The following BCAR3 variants were observed in gnomAD, a reference collection of about 807,000 sequenced individuals.
BCAR3 encodes the protein BCAR3 adaptor protein, NSP family member.
A neutral mutation model predicts 80.1 loss-of-function variants in BCAR3; 37 were observed. The ratio of observed to expected loss-of-function variants is 0.46; its 90% confidence interval spans 0.36 to 0.61. BCAR3 has a LOEUF of 0.61. Ranked by LOEUF, BCAR3 falls within the 20% of genes least tolerant of loss-of-function variation. BCAR3 has a pLI of 0.00. For synonymous variants in BCAR3, 389 were observed against 418.9 expected (o/e 0.93, Z 0.87); for missense variants, 978 against 1,068.2 (o/e 0.92, Z 1.18).
At chr1:93,739,493 G>A (rs943593512) in intron 2 of BCAR3, among the ~76,000 whole-genome samples, 9 of 152,140 alleles carry the variant, frequency 5.9e-5, no homozygotes, top group African/African-American at 2.2e-4. Flanking sequence ...GACCAAAAAT[G>A]TATAGTGTCA....
intron 2 of BCAR3, among the ~76,000 whole-genome samples, chr1:93,770,274 C>T (rs1373868064): frequency 2.6e-5 from 4 of 152,044 alleles, no homozygotes; most frequent in Admixed American, 2.6e-4. Context: ...TAAGGACTAC[C>T]AGAAAGGAGG....
upstream of BCAR3, chr1:93,847,924 A>T: frequency 8.1e-6 from 2 of 246,288 alleles, no homozygotes; most frequent in Non-Finnish European, 1.6e-5. Flanking sequence ...GGCGGCGGCG[A>T]AGGAAAAGCG....
chr1:93,666,851 A>C (rs1361044501), intron 2 of BCAR3, among the ~76,000 whole-genome samples: 2 of 152,004 alleles, frequency 1.3e-5, no homozygotes, highest in Non-Finnish European at 2.9e-5. Context: ...TTCCAGCCAG[A>C]CTCCATCAAC....
intron 2 of BCAR3, 36 bp from the exon 3 acceptor site, chr1:93,642,379 G>A: frequency 6.4e-7 from 1 of 1,571,248 alleles, no homozygotes; most frequent in Non-Finnish European, 8.8e-7. Context: ...GAATGGTTGG[G>A]AACGATGCAT....
intron 2 of BCAR3, among the ~76,000 whole-genome samples, 172 bp downstream of exon 2, chr1:93,674,442 G>A (rs1648365118): frequency 6.6e-6 from 1 of 152,140 alleles, no homozygotes; most frequent in South Asian, 2.1e-4. Flanking sequence ...TTTTAGTATA[G>A]ACAGGGTTTC....
At chr1:93,607,962 C>T (rs779191344) in intron 3 of BCAR3, among the ~76,000 whole-genome samples, 69 of 152,316 alleles carry the variant, frequency 4.5e-4, no homozygotes, top group Non-Finnish European at 8.2e-4. Flanking sequence ...GCCCTCAGTG[C>T]ACATGCTAGG....
upstream of BCAR3, among the ~76,000 whole-genome samples, chr1:93,683,063 G>T (rs912715707): frequency 6.6e-6 from 1 of 152,134 alleles, no homozygotes; most frequent in Non-Finnish European, 1.5e-5. Context: ...AAACCGCAGA[G>T]TGAGAAAACA....
In BCAR3 at chr1:93,737,198, T is replaced by C. The variant is rs556042267; in HGVS notation, c.-62-31056A>G. Among the ~76,000 whole-genome samples the C allele has an allele frequency of 5.3e-5, 8 of 152,310 alleles. No individual in the cohort carries two copies. The South Asian group carries it at 1.7e-3, about 32-fold the overall frequency. On this transcript the variant is annotated intron_variant, in intron 2 of 13. Coordinates refer to the BCAR3 transcript ENST00000370244. Reference sequence around the variant, plus strand: ...AAGCCTCAAAGCAGAACAGTGGTGATGGTGAAAGTCTGGAGTAGAGAGATA... The same window carrying C: ...AAGCCTCAAAGCAGAACAGTGGTGACGGTGAAAGTCTGGAGTAGAGAGATA...
chr1:93,682,417 T>C (rs1034046211), upstream of BCAR3, among the ~76,000 whole-genome samples: 1 of 152,146 alleles, frequency 6.6e-6, no homozygotes, highest in Admixed American at 6.5e-5. Flanking sequence ...TGGAATAAAG[T>C]CCAAAAACAG....
Position 93,588,987 on chromosome 1 carries a change from T to C in BCAR3, c.919A>G (p.Asn307Asp), listed in dbSNP as rs780497082. 65 of 1,570,900 alleles carry C rather than the reference T, an allele frequency of 4.1e-5. No homozygotes were observed. Among genetic ancestry groups the C allele is most frequent in the Non-Finnish European group, 5.3e-5 (61 of 1,153,446 alleles). ...QAREQNLPRG[N>D]LLRNKEKSGS... ...GAGGCCCTGACCTACCTGAGGAGGTTTCCCCTGGGCAAATTCTGCTCTCGG... is the reference window on the plus strand; with the variant it reads ...GAGGCCCTGACCTACCTGAGGAGGTCTCCCCTGGGCAAATTCTGCTCTCGG... The change falls in exon 5 of 12, where the codon AAC becomes GAC. Residue 307 changes from asparagine to aspartate, a missense_variant. Physicochemically the swap from Asn to Asp is conservative, Grantham distance 23. Coordinates refer to ENST00000260502, the MANE Select transcript of BCAR3 (RefSeq NM_003567.4).
chr1:93,726,428 G>A (rs1650585074), intron 2 of BCAR3, among the ~76,000 whole-genome samples: 1 of 152,110 alleles, frequency 6.6e-6, no homozygotes. Context: ...ATCTTGTCAT[G>A]TGTCTCAAAA....
chr1:93,633,513 C>T (rs1358921100), intron 3 of BCAR3, among the ~76,000 whole-genome samples: 3 of 152,226 alleles, frequency 2.0e-5, no homozygotes, highest in Non-Finnish European at 4.4e-5. Flanking sequence ...CAAAAATCTT[C>T]AAGCTCGGCA....
intron 2 of BCAR3, among the ~76,000 whole-genome samples, chr1:93,653,645 C>G (rs567871159): frequency 6.6e-6 from 1 of 152,102 alleles, no homozygotes; most frequent in African/African-American, 2.4e-5. Flanking sequence ...CAGCACAGGG[C>G]GGAAGACAGC....
intron 2 of BCAR3, among the ~76,000 whole-genome samples, chr1:93,743,181 G>T (rs1651238714): frequency 6.7e-6 from 1 of 148,810 alleles, no homozygotes. Context: ...GGTAACAGAA[G>T]ACCTGTGTTT....
At chr1:93,781,415 G>A (rs1416552696) in intron 2 of BCAR3, among the ~76,000 whole-genome samples, 2 of 152,068 alleles carry the variant, frequency 1.3e-5, no homozygotes, top group African/African-American at 2.4e-5. Context: ...ACCGGGCAGC[G>A]GGTCCTCTGT....
chr1:93,698,431 C>T (rs557751993), intron 3 of BCAR3, among the ~76,000 whole-genome samples: 2 of 152,270 alleles, frequency 1.3e-5, no homozygotes, highest in Non-Finnish European at 2.9e-5. Flanking sequence ...CTTTGGGATC[C>T]CCAAGGACCT....
At chr1:93,643,624 T>TG (rs1377437142) in intron 2 of BCAR3, among the ~76,000 whole-genome samples, 1 of 140,840 alleles carries the variant, frequency 7.1e-6, no homozygotes, top group Non-Finnish European at 1.5e-5. Flanking sequence ...GTTATGGGGA[T>TG]GGGGGCAGAA....
chr1:93,701,612 G>A (rs893661483), intron 3 of BCAR3, among the ~76,000 whole-genome samples: 6 of 152,244 alleles, frequency 3.9e-5, no homozygotes, highest in African/African-American at 9.6e-5. Context: ...ACCAACCACC[G>A]TGTGTGATGA....
chr1:93,731,667 T>C (rs1243854841), intron 2 of BCAR3, among the ~76,000 whole-genome samples: 1 of 151,048 alleles, frequency 6.6e-6, no homozygotes, highest in East Asian at 1.9e-4. Flanking sequence ...TAAAATAAAA[T>C]AAAATAAAAT....
Sources: allele counts gnomAD v4.1 joint callset (sites outside exome capture counted in the v4.1 genomes callset), GRCh38; gene constraint gnomAD v4.1.1; transcripts MANE v1.5; gene names NCBI Gene and HGNC (gene_info 2026-07-23, HGNC 2026-07-21).